MRTFB: variants seen among roughly 807,000 people sequenced by gnomAD.
MRTFB encodes the protein myocardin-related transcription factor B.
A neutral mutation model predicts 104.2 loss-of-function variants in MRTFB; 29 were observed. The observed-to-expected ratio is 0.28, with a 90% CI of 0.21 to 0.38. The LOEUF (loss-of-function observed/expected upper bound fraction) is 0.38, where lower values mean the gene tolerates loss of function less well. Ranked by LOEUF, MRTFB falls within the 10% of genes least tolerant of loss-of-function variation. MRTFB has a pLI of 1.00. For synonymous variants in MRTFB, 535 were observed against 519.5 expected (o/e 1.03, Z -0.41); for missense variants, 1,270 against 1,341.6 (o/e 0.95, Z 0.83).
the MRTFB span, among the ~76,000 whole-genome samples, chr16:14,010,276 G>A: frequency 1.3e-5 from 2 of 151,980 alleles, no homozygotes; most frequent in South Asian, 4.2e-4. Context: ...CTATTCATAT[G>A]ATAATTACAT....
chr16:14,198,417 C>T (rs1342297539), intron 3 of MRTFB, among the ~76,000 whole-genome samples: 2 of 152,188 alleles, frequency 1.3e-5, no homozygotes, highest in Non-Finnish European at 2.9e-5. Context: ...TTAGGAAAGA[C>T]TTTAGAAAGA....
In MRTFB at chr16:14,258,149, A is replaced by G. The variant is rs1450792378; in HGVS notation, c.2752A>G (p.Ile918Val). 1 of 1,613,880 alleles carries G rather than the reference A, an allele frequency of 6.2e-7. No homozygotes were observed. Among genetic ancestry groups the G allele is most frequent in the Non-Finnish European group, 8.5e-7 (1 of 1,179,774 alleles). The change falls in exon 16 of 17, where the codon ATT (isoleucine) becomes GTT (valine). Residue 918 changes from isoleucine (I) to valine (V), a missense_variant. Physicochemically the swap from Ile to Val is conservative, Grantham distance 29 (BLOSUM62 3). Coordinates refer to ENST00000571589, the MANE Select transcript of MRTFB (RefSeq NM_001308142.2). ...QQMDDLFDILIKSGEISLPIK... is the reference protein window; with the variant it reads ...QQMDDLFDILVKSGEISLPIK... ...GATGGATGACCTCTTTGATATCCTC[A>G]TTAAGAGTGGAGGTAAGTCAAAAGT...
chr16:14,225,638 A>G (rs1415138465), intron 8 of MRTFB, among the ~76,000 whole-genome samples: 2 of 151,826 alleles, frequency 1.3e-5, no homozygotes, highest in African/African-American at 4.9e-5. Context: ...GTGGCTGTCC[A>G]CACCTGCCAT....
chr16:14,023,872 G>A, the MRTFB span, among the ~76,000 whole-genome samples: 116 of 152,208 alleles, frequency 7.6e-4, no homozygotes, highest in Non-Finnish European at 1.4e-3. Context: ...CCAACAGGGT[G>A]AAACCCTGTC....
chr16:14,032,536 G>A, the MRTFB span, among the ~76,000 whole-genome samples: 12 of 152,174 alleles, frequency 7.9e-5, no homozygotes, highest in East Asian at 1.9e-4. Context: ...TGCTGCAAGC[G>A]TCAAGTAAAT....
the MRTFB span, among the ~76,000 whole-genome samples, chr16:13,996,940 G>A: frequency 2.0e-5 from 3 of 152,204 alleles, no homozygotes; most frequent in East Asian, 1.9e-4. Flanking sequence ...GGGAGAGTTC[G>A]GCCCACAAAT....
chr16:14,004,741 G>A, the MRTFB span, among the ~76,000 whole-genome samples: 5 of 152,246 alleles, frequency 3.3e-5, no homozygotes, highest in African/African-American at 1.2e-4. Context: ...CTGACATTTG[G>A]AAGAGGAAGC....
rs962302403 is a variant in MRTFB at position 14,263,627 on chromosome 16, T to C, written c.*2183T>C. 12 of 151,932 alleles carry C rather than the reference T, an allele frequency of 7.9e-5. No individual in the cohort carries two copies. The highest frequency in any genetic ancestry group is 2.9e-4 in the African/African-American group (12 of 41,314). The allele number at this position is 151,932 out of a possible 1,614,324, so 9.4% of individuals were successfully genotyped here. On this transcript the variant is annotated 3_prime_UTR_variant, in exon 17 of 17. Transcript: ENST00000571589. ...GTTTTCTAGCTCTCGGGTCCCTTTA[T>C]TGCTTTTTAAAATAGGGTTTGAAAC...
chr16:14,030,380 T>G, the MRTFB span, among the ~76,000 whole-genome samples: 1 of 152,200 alleles, frequency 6.6e-6, no homozygotes, highest in Non-Finnish European at 1.5e-5. Flanking sequence ...GTTCAGGCCC[T>G]GGTTCTGCTA....
intron 8 of MRTFB, among the ~76,000 whole-genome samples, chr16:14,227,854 A>G: frequency 6.6e-6 from 1 of 152,046 alleles, no homozygotes; most frequent in East Asian, 1.9e-4. Context: ...GACAGGACTA[A>G]TATCTAATGT....
At chr16:14,126,007 A>G (rs548179300) in intron 2 of MRTFB, among the ~76,000 whole-genome samples, 1 of 152,300 alleles carries the variant, frequency 6.6e-6, no homozygotes, top group East Asian at 1.9e-4. Flanking sequence ...TTCTCTGGCT[A>G]CTCTAAGGAA....
the MRTFB span, among the ~76,000 whole-genome samples, chr16:14,019,777 G>A: frequency 2.3e-4 from 35 of 152,130 alleles, 1 homozygote; most frequent in African/African-American, 7.0e-4. Context: ...AATCGATCCC[G>A]CTGAACCCAA....
chr16:14,187,016 C>G, intron 3 of MRTFB: 3 of 1,596,228 alleles, frequency 1.9e-6, no homozygotes, highest in Non-Finnish European at 2.5e-6. Context: ...AGGGGAGCAA[C>G]CAGAAAAGTC....
At chr16:14,176,384 A>G (rs548674720) in intron 3 of MRTFB, among the ~76,000 whole-genome samples, 1 of 152,372 alleles carries the variant, frequency 6.6e-6, no homozygotes, top group East Asian at 1.9e-4. Context: ...AAGTATACAG[A>G]CAAGTGTTGA....
chr16:14,036,296 T>TTATATATATATATATATATA, the MRTFB span, among the ~76,000 whole-genome samples: 261 of 98,274 alleles, frequency 2.7e-3, 3 homozygotes, highest in Non-Finnish European at 3.9e-3. Flanking sequence ...TTATATATAT[T>TTATATATATATATATATATA]TATATATATA....
At chr16:14,066,328 C>T (rs1040077702), upstream of MRTFB, among the ~76,000 whole-genome samples, 1 of 151,520 alleles carries the variant, frequency 6.6e-6, no homozygotes, top group East Asian at 1.9e-4. Flanking sequence ...GGCTGGAGTG[C>T]AGTCACGCGA....
the MRTFB span, among the ~76,000 whole-genome samples, chr16:14,063,223 C>T: frequency 3.9e-5 from 6 of 152,202 alleles, no homozygotes; most frequent in Non-Finnish European, 1.5e-5. Context: ...TTGCTCACAA[C>T]ACCCTTCTGC....
chr16:14,246,545 C>T lies in MRTFB; in HGVS notation c.1285C>T (p.Arg429Cys). The change falls in exon 12 of 17, where the codon CGC (arginine) becomes TGC (cysteine). Residue 429 changes from arginine to cysteine, a missense_variant. Transcript: ENST00000571589. ...AGGCACCAAACCGGACCTCATTGAG[C>T]GCCTAAAACCCTACCAGGAAGTGAA... ...VSGTKPDLIERLKPYQEVNSS... is the reference protein window; with the variant it reads ...VSGTKPDLIECLKPYQEVNSS... 1.9e-6 allele frequency: 3 copies of T among 1,614,164 alleles called. No individual in the cohort carries two copies. Among genetic ancestry groups the T allele is most frequent in the Non-Finnish European group, 2.5e-6 (3 of 1,180,022 alleles).
At chr16:14,031,725 G>A in the MRTFB span, among the ~76,000 whole-genome samples, 168 of 152,200 alleles carry the variant, frequency 1.1e-3, 2 homozygotes, top group East Asian at 0.026. Flanking sequence ...TTGTCCTCAG[G>A]GCCTGAAATA....
Sources: allele counts gnomAD v4.1 joint callset (sites outside exome capture counted in the v4.1 genomes callset), GRCh38; gene constraint gnomAD v4.1.1; transcripts MANE v1.5; gene names NCBI Gene and HGNC (gene_info 2026-07-23, HGNC 2026-07-21).